MECOM: variants seen among roughly 807,000 people sequenced by gnomAD.
MECOM encodes histone-lysine N-methyltransferase MECOM.
MECOM carries 13 observed loss-of-function variants against 116.3 expected under a neutral mutation model. The ratio of observed to expected loss-of-function variants is 0.11; its 90% CI spans 0.07 to 0.18. MECOM has a LOEUF of 0.18. Ranked by LOEUF, MECOM falls within the 10% of genes least tolerant of loss-of-function variation. The pLI is 1.00. For synonymous variants in MECOM, 528 were observed against 535.2 expected (o/e 0.99, Z 0.19); for missense variants, 1,299 against 1,509.0 (o/e 0.86, Z 2.31).
chr3:169,498,274 A>G (rs540607210), intron 1 of MECOM, among the ~76,000 whole-genome samples: 34 of 152,356 alleles, frequency 2.2e-4, no homozygotes, highest in African/African-American at 7.5e-4. Context: ...TTATTTTTAA[A>G]TCCCACGAAA....
intron 2 of MECOM, chr3:169,147,603 C>T (rs1207584893): frequency 2.0e-6 from 2 of 985,418 alleles, no homozygotes; most frequent in Non-Finnish European, 2.4e-6. Flanking sequence ...GCACCATCCC[C>T]CTTAAACATG....
chr3:169,383,297 T>C (rs1317155484), intron 1 of MECOM, among the ~76,000 whole-genome samples: 1 of 152,182 alleles, frequency 6.6e-6, no homozygotes, highest in Non-Finnish European at 1.5e-5. Flanking sequence ...ACCTTATACC[T>C]ATGGGACATA....
At position 169,083,839 on chromosome 3, in the gene MECOM, A is replaced by G. The variant is rs1404947436; in HGVS notation, c.*1070T>C. 3 of 216,262 alleles carry G rather than the reference A, an allele frequency of 1.4e-5. No homozygotes were observed. The highest frequency in any genetic ancestry group is 2.8e-5 in the Non-Finnish European group (3 of 107,350). 13.4% of individuals were successfully genotyped at this position (216,262 alleles called of 1,614,324 possible). A position where few individuals can be genotyped will look rare whatever the true frequency, so the allele number is the denominator to read the frequency against. On this transcript the variant is annotated 3_prime_UTR_variant, in exon 17 of 17. Transcript: ENST00000651503. ...TTTTAATCAGAAGAATCATGCTTCC[A>G]TGAAAGAAATTATAATCGTTTATAC...
At chr3:169,321,215 A>G (rs1364153139) in intron 2 of MECOM, among the ~76,000 whole-genome samples, 4 of 152,234 alleles carry the variant, frequency 2.6e-5, no homozygotes, top group Non-Finnish European at 5.9e-5. Context: ...GTAAATTGTG[A>G]AATGCTAAAT....
chr3:169,565,947 A>T, intron 1 of MECOM: 1 of 446,016 alleles, frequency 2.2e-6, no homozygotes, highest in South Asian at 1.6e-5. Context: ...ATTTATAAAG[A>T]AAAAAGGTTT....
intron 1 of MECOM, among the ~76,000 whole-genome samples, chr3:169,627,409 A>T (rs73174387): frequency 0.081 from 12,327 of 152,284 alleles, 621 homozygotes; most frequent in African/African-American, 0.11. Flanking sequence ...CCAGCAGCTT[A>T]ATTAATGCTT....
chr3:169,464,249 TTTG>T (rs1400484232), intron 1 of MECOM: 2 of 152,214 alleles, frequency 1.3e-5, no homozygotes, highest in Non-Finnish European at 2.9e-5. Flanking sequence ...ACGGAACATT[TTTG>T]TTTTGAAAGC....
At chr3:169,149,808 C>T in intron 2 of MECOM, 1 of 381,348 alleles carries the variant, frequency 2.6e-6, no homozygotes, top group Admixed American at 2.9e-5. Flanking sequence ...TTAATATCAT[C>T]ATTATCGTCA....
In MECOM at chr3:169,560,626, C is replaced by T. The variant is rs536285542; in HGVS notation, c.37+102710G>A. ...ATTTAAAAGCAACTTGAATGTTTAACAATAAATGACAGAAATACTCAATGA... is the reference window on the plus strand; with the variant it reads ...ATTTAAAAGCAACTTGAATGTTTAATAATAAATGACAGAAATACTCAATGA... On this transcript the variant is annotated intron_variant, in intron 1 of 16. Transcript: ENST00000651503. Among the ~76,000 whole-genome samples the T allele has an allele frequency of 6.6e-5, 10 of 152,016 alleles. No homozygotes were observed. In the East Asian group the frequency reaches 1.9e-3, roughly 29 times the overall value.
At chr3:169,209,781 T>C (rs993521826) in intron 2 of MECOM, among the ~76,000 whole-genome samples, 1 of 152,188 alleles carries the variant, frequency 6.6e-6, no homozygotes, top group East Asian at 1.9e-4. Flanking sequence ...GTAATCATCG[T>C]GGAAGACAGT....
chr3:169,095,385 A>G (rs572891975), intron 12 of MECOM, 140 bp from the exon 13 acceptor site: 12 of 600,770 alleles, frequency 2.0e-5, no homozygotes, highest in Non-Finnish European at 3.2e-5. Flanking sequence ...CTATTCACAC[A>G]ATTAAGATTT....
chr3:169,301,808 T>C (rs1716770662), intron 2 of MECOM, among the ~76,000 whole-genome samples: 1 of 152,168 alleles, frequency 6.6e-6, no homozygotes, highest in Admixed American at 6.5e-5. Context: ...AACTAATCCT[T>C]CATTTATAGC....
At chr3:169,367,164 T>C (rs556006067) in intron 2 of MECOM, among the ~76,000 whole-genome samples, 1 of 152,054 alleles carries the variant, frequency 6.6e-6, no homozygotes, top group African/African-American at 2.4e-5. Flanking sequence ...AGTGCTGGAT[T>C]ATGAGGAGAG....
At chr3:169,485,550 G>A (rs891325496) in intron 1 of MECOM, among the ~76,000 whole-genome samples, 2 of 151,994 alleles carry the variant, frequency 1.3e-5, no homozygotes, top group Non-Finnish European at 2.9e-5. Flanking sequence ...AAGTTTGGAG[G>A]TGAGAGGAAA....
chr3:169,592,697 T>C (rs1766573426), intron 1 of MECOM, among the ~76,000 whole-genome samples: 1 of 152,186 alleles, frequency 6.6e-6, no homozygotes, highest in South Asian at 2.1e-4. Context: ...GATAGTCTCA[T>C]CTTTTCATCT....
At chr3:169,365,107 A>T (rs1427279314) in intron 2 of MECOM, among the ~76,000 whole-genome samples, 4 of 152,030 alleles carry the variant, frequency 2.6e-5, no homozygotes. Context: ...TTGGATATAA[A>T]GTAAGCTCTA....
chr3:169,648,029 G>A (rs1774397049), intron 1 of MECOM, among the ~76,000 whole-genome samples: 1 of 152,164 alleles, frequency 6.6e-6, no homozygotes, highest in South Asian at 2.1e-4. Flanking sequence ...TCAAGGCAGG[G>A]AGGGCTCAAA....
chr3:169,507,700 C>T (rs1050127881), intron 1 of MECOM, among the ~76,000 whole-genome samples: 1 of 100,064 alleles, frequency 1.0e-5, no homozygotes, highest in Non-Finnish European at 1.8e-5. Context: ...CTCGCTCTTT[C>T]GCCCAGGCTG....
intron 2 of MECOM, among the ~76,000 whole-genome samples, chr3:169,217,350 G>A (rs1194541775): frequency 6.6e-6 from 1 of 151,996 alleles, no homozygotes; most frequent in Non-Finnish European, 1.5e-5. Context: ...TACATTTTGG[G>A]TTTGTAATAA....
Sources: allele counts gnomAD v4.1 joint callset (sites outside exome capture counted in the v4.1 genomes callset), GRCh38; gene constraint gnomAD v4.1.1; transcripts MANE v1.5; gene names NCBI Gene and HGNC (gene_info 2026-07-23, HGNC 2026-07-21).